Variants in ADGRF4 observed in about 807,000 individuals in gnomAD.
ADGRF4 encodes the protein G-protein coupled receptor PGR18.
In ADGRF4, 63 loss-of-function variants were observed where a neutral mutation model predicts 58.5. The ratio of observed to expected loss-of-function variants is 1.08; its 90% CI spans 0.88 to 1.33. The LOEUF is 1.33. Ranked by LOEUF, ADGRF4 falls within the 40% of genes most tolerant of loss-of-function variation. The probability of loss-of-function intolerance (pLI) is 0.00; values close to 1 mark genes in which losing one functional copy is unlikely to be tolerated. For missense variants in ADGRF4, 931 were observed against 843.9 expected (o/e 1.10, Z -1.28); for synonymous variants, 313 against 295.4 (o/e 1.06, Z -0.61).
Position 47,715,070 on chromosome 6 carries a change from A to G in ADGRF4, c.1825A>G (p.Ile609Val), listed in dbSNP as rs149919692. The G allele has an allele frequency of 2.3e-5, 37 of 1,613,254 alleles. No homozygotes were observed. In the African/African-American group the frequency reaches 3.3e-4, roughly 15 times the overall value. Residue 609 changes from isoleucine to valine, a missense_variant, in exon 6 of 10, where the codon ATC becomes GTC. Ile to Val is a conservative substitution (Grantham distance 29, BLOSUM62 3). Coordinates refer to ENST00000283303, the MANE Select transcript of ADGRF4 (RefSeq NM_153838.5). Reference sequence around the variant, plus strand: ...TATGAGGATCAGCAAAAATGTTGCCATCCTCACTCCACTGCTGGGACTGAC... The same window carrying G: ...TATGAGGATCAGCAAAAATGTTGCCGTCCTCACTCCACTGCTGGGACTGAC... ...IIMRISKNVA[I>V]LTPLLGLTWG... is the part of the protein sequence containing the mutation.
chr6:47,713,714 C>A, intron 5 of ADGRF4, 84 bp from the exon 6 acceptor site: 2 of 1,104,726 alleles, frequency 1.8e-6, no homozygotes, highest in South Asian at 2.1e-5. Flanking sequence ...GTAACCTGAT[C>A]TTTAGAAATT....
rs1417316148 is a variant in ADGRF4, at chr6:47,714,680, T to G, written c.1435T>G (p.Phe479Val). ...DYNMCVAVTF[F>V]SHFFYLSLFF... is the part of the protein sequence containing the mutation. ...CAACATGTGTGTTGCAGTGACATTT[T>G]TCAGCCACTTTTTCTACCTCTCTCT... Residue 479 changes from phenylalanine to valine, a missense_variant, in exon 6 of 10, where the codon TTC becomes GTC. Phe to Val is a conservative substitution (Grantham distance 50). Transcript: ENST00000283303. 9 of 1,614,204 alleles carry G rather than the reference T, an allele frequency of 5.6e-6. No individual in the cohort carries two copies. The highest frequency in any genetic ancestry group is 7.6e-6 in the Non-Finnish European group (9 of 1,180,032).
At chr6:47,700,827 G>C (rs1018038897) in intron 1 of ADGRF4, among the ~76,000 whole-genome samples, 3 of 152,174 alleles carry the variant, frequency 2.0e-5, no homozygotes, top group African/African-American at 7.2e-5. Flanking sequence ...ATGTCACTCT[G>C]CAGGAATCAT....
Position 47,713,970 on chromosome 6 carries a change from CA to C in ADGRF4, c.729del (p.His246ThrfsTer15). On this transcript the variant is annotated frameshift_variant, in exon 6 of 10. Transcript: ENST00000283303. LOFTEE classifies it high-confidence loss of function. ...ATTGTGAATGAACTCTTCATTCAGA[CA>C]AAAGGGTTTCACATCAACCATAATA... The part of the protein sequence containing the change: ...ENIVNELFIQ[T>X]KGFHINHNTS... 3.7e-6 allele frequency: 6 copies of C among 1,604,596 alleles called. No individual in the cohort carries two copies. Among genetic ancestry groups the C allele is most frequent in the Non-Finnish European group, 4.3e-6 (5 of 1,175,506 alleles).
At chr6:47,718,813 A>C (rs1772092901) in intron 9 of ADGRF4, among the ~76,000 whole-genome samples, 1 of 152,198 alleles carries the variant, frequency 6.6e-6, no homozygotes, top group Non-Finnish European at 1.5e-5. Flanking sequence ...TTCTTAATGA[A>C]GTGGAACCCA....
chr6:47,720,309 C>T (rs1296105103), intron 9 of ADGRF4, among the ~76,000 whole-genome samples: 1 of 152,042 alleles, frequency 6.6e-6, no homozygotes, highest in Non-Finnish European at 1.5e-5. Flanking sequence ...GGCTGAACCA[C>T]GAGGGAAGGC....
rs778440910 is a variant in ADGRF4, at chr6:47,714,807, T to C, written c.1562T>C (p.Ile521Thr). 1 of 1,613,898 alleles carries C rather than the reference T, an allele frequency of 6.2e-7. No homozygotes were observed. The highest frequency in any genetic ancestry group is 2.2e-5 in the East Asian group (1 of 44,876). ...CGAATGATGGTCATTGGCTTTGCCA[T>C]TGGCTATGGGTGCCCATTGATCATT... ...KSRMMVIGFA[I>T]GYGCPLIIAV... The change falls in exon 6 of 10, where the codon ATT becomes ACT. Residue 521 changes from isoleucine (I) to threonine (T), a missense_variant. By Grantham distance (89) the Ile-to-Thr change is moderately conservative (BLOSUM62 -1). Transcript: ENST00000283303.
At chr6:47,709,343 T>C (rs972099973) in intron 3 of ADGRF4, among the ~76,000 whole-genome samples, 13 of 152,296 alleles carry the variant, frequency 8.5e-5, no homozygotes, top group African/African-American at 2.9e-4. Context: ...GTAAATAAAG[T>C]TTTTTCGGAA....
chr6:47,701,022 C>T (rs1771577023), intron 1 of ADGRF4, among the ~76,000 whole-genome samples: 1 of 152,034 alleles, frequency 6.6e-6, no homozygotes, highest in East Asian at 1.9e-4. Flanking sequence ...CTCTGTTGAC[C>T]CATTGTGATT....
rs9369738 is a variant in ADGRF4, at chr6:47,714,868, A to T, written c.1623A>T (p.Lys541Asn). Residue 541 changes from lysine to asparagine, a missense_variant, in exon 6 of 10, where the codon AAA becomes AAT. By Grantham distance (94) the Lys-to-Asn change is moderately conservative (BLOSUM62 0). Coordinates refer to ENST00000283303, the MANE Select transcript of ADGRF4 (RefSeq NM_153838.5). The stretch of plus-strand genomic sequence containing the variant: ...CAGTTGCTATCACAGAGCCAGAGAA[A>T]GGCTACATGAGACCTGAGGCCTGTT... ...VTTVAITEPE[K>N]GYMRPEACWL... 62 of 1,608,296 alleles carry T rather than the reference A, an allele frequency of 3.9e-5. No homozygotes were observed. The Middle Eastern group carries it at 6.6e-4, about 17-fold the overall frequency.
intron 9 of ADGRF4, among the ~76,000 whole-genome samples, chr6:47,720,987 G>A (rs1772142962): frequency 6.6e-6 from 1 of 152,118 alleles, no homozygotes; most frequent in Admixed American, 6.5e-5. Flanking sequence ...CCCAGGGAAG[G>A]CAAAGGGCAC....
In ADGRF4 at chr6:47,721,957, A is replaced by G. The variant is rs774949600; in HGVS notation, c.*752A>G. 4.6e-5 allele frequency: 7 copies of G among 152,124 alleles called. No individual in the cohort carries two copies. Among genetic ancestry groups the G allele is most frequent in the Admixed American group, 2.6e-4 (4 of 15,256 alleles). The allele number at this position is 152,124 out of a possible 1,614,324, so 9.4% of individuals were successfully genotyped here. A position where few individuals can be genotyped will look rare whatever the true frequency, so the allele number is the denominator to read the frequency against. ...TGTATATGTGTCTTTTAAAAATACT[A>G]TATATAAAGAAGATTCTGGTTGTTA... On this transcript the variant is annotated 3_prime_UTR_variant, in exon 10 of 10. Transcript: ENST00000283303.
intron 1 of ADGRF4, among the ~76,000 whole-genome samples, chr6:47,700,279 TG>T (rs1771561563): frequency 6.6e-6 from 1 of 152,208 alleles, no homozygotes; most frequent in Admixed American, 6.5e-5. Context: ...AAATTTTCTT[TG>T]GGAGTCCTGA....
intron 1 of ADGRF4, among the ~76,000 whole-genome samples, chr6:47,702,032 T>G (rs1328255910): frequency 1.3e-5 from 2 of 149,702 alleles, no homozygotes; most frequent in Non-Finnish European, 3.0e-5. Flanking sequence ...AGAGAGGGGG[T>G]TTCACCATGT....
At chr6:47,705,095 A>AT (rs534520108) in intron 1 of ADGRF4, among the ~76,000 whole-genome samples, 117 of 152,146 alleles carry the variant, frequency 7.7e-4, no homozygotes, top group African/African-American at 1.8e-3. Context: ...CACTTGGCTA[A>AT]TTTTTTGTAT....
At position 47,714,166 on chromosome 6, in the gene ADGRF4, G is replaced by A; in HGVS notation, c.921G>A (p.Leu307=). ...GGGCTATCCTGAGAGAAGCCCACTT[G>A]CAAAATGTGAGTCTTCCCAGACAGG... The part of the protein sequence containing the change: ...TLGAILREAH[L]QNVSLPRQVN... Residue 307 remains leucine (L), a synonymous_variant, in exon 6 of 10, where the codon TTG becomes TTA. Coordinates refer to ENST00000283303, the MANE Select transcript of ADGRF4 (RefSeq NM_153838.5). 6.2e-7 allele frequency: 1 copy of A among 1,613,928 alleles called. No individual in the cohort carries two copies. Among genetic ancestry groups the A allele is most frequent in the Non-Finnish European group, 8.5e-7 (1 of 1,179,942 alleles).
At chr6:47,716,296 A>G (rs1488200541) in intron 6 of ADGRF4, among the ~76,000 whole-genome samples, 1 of 151,978 alleles carries the variant, frequency 6.6e-6, no homozygotes, top group Non-Finnish European at 1.5e-5. Context: ...AGCCTTATAA[A>G]TCTCTGTAGC....
chr6:47,714,400 G>A lies in ADGRF4; in HGVS notation c.1155G>A (p.Met385Ile). ...GCTGTAACTACACCAGTGTGGTGAT[G>A]TCTTTTTCCATTCTCATGTCCTCCA... ...KCRCNYTSVVMSFSILMSSKS... is the reference protein window; with the variant it reads ...KCRCNYTSVVISFSILMSSKS... The change falls in exon 6 of 10, where the codon ATG (methionine) becomes ATA (isoleucine). Residue 385 changes from methionine (M) to isoleucine (I), a missense_variant. Physicochemically the swap from Met to Ile is conservative, Grantham distance 10. Coordinates refer to ENST00000283303, the MANE Select transcript of ADGRF4 (RefSeq NM_153838.5). 1 of 1,614,128 alleles carries A rather than the reference G, an allele frequency of 6.2e-7. No individual in the cohort carries two copies. Among genetic ancestry groups the A allele is most frequent in the South Asian group, 1.1e-5 (1 of 91,072 alleles).
At position 47,714,502 on chromosome 6, in the gene ADGRF4, C is replaced by T; in HGVS notation, c.1257C>T (p.Cys419=). 1 of 1,613,972 alleles carries T rather than the reference C, an allele frequency of 6.2e-7. No individual in the cohort carries two copies. Among genetic ancestry groups the T allele is most frequent in the Non-Finnish European group, 8.5e-7 (1 of 1,180,018 alleles). ...TCTCAATCCTAAGCTTGGTTCTTTG[C>T]CTGATCATTGAAGCCACAGTGTGGT... ...LSVSILSLVL[C]LIIEATVWSR... The change falls in exon 6 of 10, where the codon TGC becomes TGT. Residue 419 remains cysteine (C), a synonymous_variant. Transcript: ENST00000283303.
Sources: allele counts gnomAD v4.1 joint callset (sites outside exome capture counted in the v4.1 genomes callset), GRCh38; gene constraint gnomAD v4.1.1; transcripts MANE v1.5; gene names NCBI Gene and HGNC (gene_info 2026-07-23, HGNC 2026-07-21).